LRP1B: variants seen among roughly 807,000 people sequenced by gnomAD.
LRP1B encodes the protein low-density lipoprotein receptor-related protein 1B.
A neutral mutation model predicts 556.6 loss-of-function variants in LRP1B; 217 were observed. The observed-to-expected ratio is 0.39, with a 90% CI of 0.35 to 0.44. The LOEUF (loss-of-function observed/expected upper bound fraction) is 0.44, where lower values mean the gene tolerates loss of function less well. LRP1B is among the 20% of genes least tolerant of loss of function. The pLI is 1.00. For synonymous variants in LRP1B, 2,047 were observed against 1,865.8 expected (o/e 1.10, Z -2.50); for missense variants, 5,053 against 5,620.8 (o/e 0.90, Z 3.23).
intron 1 of LRP1B, among the ~76,000 whole-genome samples, chr2:141,931,660 A>G (rs1700510371): frequency 6.6e-6 from 1 of 152,018 alleles, no homozygotes. Flanking sequence ...TTTTTCATTT[A>G]TTCATTCAGT....
intron 32 of LRP1B, among the ~76,000 whole-genome samples, chr2:140,788,561 C>T (rs1689992361): frequency 6.6e-6 from 1 of 152,048 alleles, no homozygotes. Context: ...AGGGGCAATA[C>T]AATATTAGAA....
chr2:141,745,375 G>A (rs538155682), intron 2 of LRP1B, among the ~76,000 whole-genome samples: 2 of 152,242 alleles, frequency 1.3e-5, no homozygotes, highest in Non-Finnish European at 2.9e-5. Context: ...CTGCATCTGA[G>A]CTGGAACTTA....
chr2:141,240,647 A>C (rs1410080187), intron 5 of LRP1B, among the ~76,000 whole-genome samples: 1 of 152,052 alleles, frequency 6.6e-6, no homozygotes, highest in Non-Finnish European at 1.5e-5. Flanking sequence ...TGAGGATTTA[A>C]TCAATAATTT....
rs75643397 is a variant in LRP1B, at chr2:141,716,495, G to A, written c.205+93784C>T. ...AACTCTAGCATAAATATGATACTTG[G>A]TGAGAAATACATCATTTAAAGTAAT... On this transcript the variant is annotated intron_variant, in intron 2 of 90. Coordinates refer to ENST00000389484, the MANE Select transcript of LRP1B (RefSeq NM_018557.3). Among the ~76,000 whole-genome samples, 16 of 152,124 alleles carry A rather than the reference G, an allele frequency of 1.1e-4. No individual in the cohort carries two copies. The East Asian group carries it at 3.1e-3, about 30-fold the overall frequency.
chr2:141,072,114 C>T (rs1016148743), intron 7 of LRP1B, among the ~76,000 whole-genome samples: 1 of 152,070 alleles, frequency 6.6e-6, no homozygotes, highest in African/African-American at 2.4e-5. Context: ...CTTCCTACCC[C>T]AACCCTTCTG....
chr2:141,865,217 A>G (rs1234127556), intron 1 of LRP1B, among the ~76,000 whole-genome samples: 1 of 152,020 alleles, frequency 6.6e-6, no homozygotes, highest in Non-Finnish European at 1.5e-5. Flanking sequence ...TCCCCACTCT[A>G]CTTTGTGACT....
At chr2:140,309,864 AT>A (rs1352597741) in intron 83 of LRP1B, among the ~76,000 whole-genome samples, 1 of 151,740 alleles carries the variant, frequency 6.6e-6, no homozygotes, top group Non-Finnish European at 1.5e-5. Flanking sequence ...TTGAATTTCA[AT>A]TTTATCTCCA....
chr2:140,994,175 C>T (rs1169359811), intron 15 of LRP1B, 40 bp from the exon 16 acceptor site: 1 of 1,568,534 alleles, frequency 6.4e-7, no homozygotes, highest in Non-Finnish European at 8.7e-7. Flanking sequence ...ATAATGCTAG[C>T]TACAGTCAGT....
chr2:141,611,809 T>A (rs184431231), intron 2 of LRP1B, among the ~76,000 whole-genome samples: 5 of 152,332 alleles, frequency 3.3e-5, no homozygotes, highest in African/African-American at 1.2e-4. Flanking sequence ...GCTTAATTAA[T>A]GACCTCGAAA....
intron 7 of LRP1B, among the ~76,000 whole-genome samples, chr2:141,071,027 C>A (rs906708817): frequency 1.1e-4 from 17 of 152,082 alleles, no homozygotes; most frequent in African/African-American, 4.1e-4. Context: ...CGTCCTGATA[C>A]CAAAGCCGGG....
At chr2:141,429,295 A>C (rs886559141) in intron 3 of LRP1B, among the ~76,000 whole-genome samples, 3 of 152,118 alleles carry the variant, frequency 2.0e-5, no homozygotes, top group Non-Finnish European at 4.4e-5. Context: ...TACCCTTTTT[A>C]ATATACACAT....
intron 1 of LRP1B, among the ~76,000 whole-genome samples, chr2:142,027,297 G>A (rs1164548417): frequency 1.3e-5 from 2 of 150,088 alleles, no homozygotes; most frequent in Admixed American, 6.6e-5. Flanking sequence ...CTGATTTTTA[G>A]AGGTTGTTTT....
At chr2:140,823,842 C>G (rs1691410811) in intron 31 of LRP1B, among the ~76,000 whole-genome samples, 2 of 151,244 alleles carry the variant, frequency 1.3e-5, no homozygotes, top group South Asian at 4.2e-4. Context: ...GAACAGAAAA[C>G]CAAATAACAC....
chr2:141,295,065 T>C (rs1182684187), intron 3 of LRP1B, among the ~76,000 whole-genome samples: 1 of 152,106 alleles, frequency 6.6e-6, no homozygotes, highest in Admixed American at 6.6e-5. Context: ...TTCATGAATC[T>C]TTGTATGATA....
At chr2:140,370,882 A>G (rs1396899895) in intron 70 of LRP1B, 40 bp from the exon 71 acceptor site, 2 of 1,600,626 alleles carry the variant, frequency 1.2e-6, no homozygotes, top group Non-Finnish European at 1.7e-6. Flanking sequence ...TTCATTAATG[A>G]TAATGATACA....
In LRP1B at chr2:141,644,478, T is replaced by C. The variant is rs1032597016; in HGVS notation, c.206-163945A>G. Among the ~76,000 whole-genome samples, 4 of 152,240 alleles carry C rather than the reference T, an allele frequency of 2.6e-5. No individual in the cohort carries two copies. In the East Asian group the frequency reaches 7.7e-4, roughly 29 times the overall value. ...TGTAAATTGTCCAGTCTTGGGTATG[T>C]CTTTATCAGCAGTGTGAAAACGGAC... On this transcript the variant is annotated intron_variant, in intron 2 of 90. Transcript: ENST00000389484.
At chr2:140,326,342 A>G (rs2105065500) in intron 79 of LRP1B, among the ~76,000 whole-genome samples, 1 of 148,562 alleles carries the variant, frequency 6.7e-6, no homozygotes, top group East Asian at 1.9e-4. Flanking sequence ...TACAAGGTTC[A>G]TGTATTTAAT....
chr2:140,536,077 G>A (rs1016997651), intron 46 of LRP1B, among the ~76,000 whole-genome samples: 1 of 152,148 alleles, frequency 6.6e-6, no homozygotes, highest in Middle Eastern at 3.4e-3. Context: ...ACATTTTAAA[G>A]AAAGTAAGCC....
chr2:141,034,018 C>T (rs1698456277), intron 11 of LRP1B, among the ~76,000 whole-genome samples: 1 of 152,086 alleles, frequency 6.6e-6, no homozygotes, highest in Non-Finnish European at 1.5e-5. Context: ...ATGGATTGAA[C>T]TGGACTCATT....
Sources: allele counts gnomAD v4.1 joint callset (sites outside exome capture counted in the v4.1 genomes callset), GRCh38; gene constraint gnomAD v4.1.1; transcripts MANE v1.5; gene names NCBI Gene and HGNC (gene_info 2026-07-23, HGNC 2026-07-21).